Variants in PCDH9 observed in about 807,000 individuals in gnomAD.
The protein encoded by PCDH9 is protocadherin 9, also known as protocadherin-9.
A neutral mutation model predicts 70.6 loss-of-function variants in PCDH9; 24 were observed. That is an observed-to-expected ratio of 0.34 (90% confidence interval 0.25 to 0.48). PCDH9 has a LOEUF of 0.48. PCDH9 is among the 20% of genes least tolerant of loss of function. The probability of loss-of-function intolerance (pLI) is 0.99; values close to 1 mark genes in which losing one functional copy is unlikely to be tolerated. For missense variants in PCDH9, 1,281 were observed against 1,503.6 expected (o/e 0.85, Z 2.45); for synonymous variants, 562 against 558.5 (o/e 1.01, Z -0.09).
At chr13:66,630,297 A>G (rs2077553439) in intron 4 of PCDH9, among the ~76,000 whole-genome samples, 1 of 152,182 alleles carries the variant, frequency 6.6e-6, no homozygotes, top group Non-Finnish European at 1.5e-5. Context: ...CCACACATGC[A>G]TAGCTTTCCC....
intron 4 of PCDH9, among the ~76,000 whole-genome samples, chr13:66,550,752 C>G (rs962948785): frequency 2.0e-5 from 3 of 152,112 alleles, no homozygotes; most frequent in African/African-American, 7.2e-5. Context: ...CCCCCTCTTA[C>G]CTAATACAGA....
intron 2 of PCDH9, among the ~76,000 whole-genome samples, chr13:67,086,890 C>T (rs2086118150): frequency 6.6e-6 from 1 of 151,904 alleles, no homozygotes; most frequent in Non-Finnish European, 1.5e-5. Flanking sequence ...GATGCATGTT[C>T]TATGTTAAGT....
At chr13:66,381,207 C>A (rs1475267260) in intron 4 of PCDH9, among the ~76,000 whole-genome samples, 1 of 152,172 alleles carries the variant, frequency 6.6e-6, no homozygotes, top group South Asian at 2.1e-4. Context: ...CTTCAACTTT[C>A]TTTTCCACAG....
chr13:66,451,402 C>T (rs954946770), intron 4 of PCDH9, among the ~76,000 whole-genome samples: 1 of 152,020 alleles, frequency 6.6e-6, no homozygotes, highest in African/African-American at 2.4e-5. Context: ...CAACAAATTT[C>T]CAAGGTAGCT....
chr13:66,652,891 G>A (rs2077873058), intron 3 of PCDH9, among the ~76,000 whole-genome samples: 1 of 152,082 alleles, frequency 6.6e-6, no homozygotes, highest in Non-Finnish European at 1.5e-5. Flanking sequence ...CATACATTGA[G>A]GGAAAGGATA....
intron 3 of PCDH9, among the ~76,000 whole-genome samples, chr13:66,838,114 T>C (rs1177432345): frequency 2.0e-5 from 3 of 152,254 alleles, no homozygotes; most frequent in Non-Finnish European, 4.4e-5. Context: ...TCTAAATATG[T>C]ATTCATGTTA....
intron 3 of PCDH9, among the ~76,000 whole-genome samples, chr13:66,743,717 G>A (rs368114167): frequency 6.6e-6 from 1 of 151,968 alleles, no homozygotes; most frequent in South Asian, 2.1e-4. Context: ...ATTCTGCAAA[G>A]CATACATATT....
intron 2 of PCDH9, among the ~76,000 whole-genome samples, chr13:67,188,015 C>T (rs540516170): frequency 6.6e-6 from 1 of 152,140 alleles, no homozygotes; most frequent in South Asian, 2.1e-4. Flanking sequence ...GTACCGAACA[C>T]TAGATCTCAC....
rs141107563 is a variant in PCDH9 at position 66,962,558 on chromosome 13, C to T, written c.3037-58953G>A. Among the ~76,000 whole-genome samples, 73 of 152,292 alleles carry T rather than the reference C, an allele frequency of 4.8e-4. 1 individual carries two copies. The highest frequency in any genetic ancestry group is 1.6e-3 in the African/African-American group (67 of 41,558). On this transcript the variant is annotated intron_variant, in intron 2 of 4. Coordinates refer to ENST00000377865, the MANE Select transcript of PCDH9 (RefSeq NM_203487.3). The stretch of plus-strand genomic sequence containing the variant: ...GGTATAGGCTATTGCTTCTAGCCTA[C>T]AAAACCTAGTGTTACTGTAGTAAAT...
At chr13:66,499,202 A>G (rs1396542285) in intron 4 of PCDH9, among the ~76,000 whole-genome samples, 3 of 152,142 alleles carry the variant, frequency 2.0e-5, no homozygotes, top group Non-Finnish European at 1.5e-5. Flanking sequence ...AAATTAAAAG[A>G]AAGATGATAT....
At chr13:66,585,503 T>G (rs975048610) in intron 4 of PCDH9, among the ~76,000 whole-genome samples, 6 of 152,284 alleles carry the variant, frequency 3.9e-5, no homozygotes, top group Middle Eastern at 3.4e-3. Flanking sequence ...TCAATCTATT[T>G]TTTTAAAGTA....
chr13:66,566,263 T>TA (rs2076651146), intron 4 of PCDH9, among the ~76,000 whole-genome samples: 1 of 152,200 alleles, frequency 6.6e-6, no homozygotes, highest in Non-Finnish European at 1.5e-5. Flanking sequence ...AGAACTAATG[T>TA]GTTTCACTTT....
chr13:66,538,412 C>T (rs954170646), intron 4 of PCDH9, among the ~76,000 whole-genome samples: 1 of 152,088 alleles, frequency 6.6e-6, no homozygotes, highest in Admixed American at 6.6e-5. Flanking sequence ...TTACATTTCC[C>T]GATTCTTCAA....
At position 66,838,298 on chromosome 13, in the gene PCDH9, C is replaced by G. The variant is rs564696944; in HGVS notation, c.3138+65206G>C. On this transcript the variant is annotated intron_variant, in intron 3 of 4. Transcript: ENST00000377865. ...GACCAGCAAAATCAACTGAGTAGTA[C>G]CATGCACATTACACTTAATATTTGC... 5.9e-5 allele frequency among the ~76,000 whole-genome samples: 9 copies of G among 151,974 alleles called. No homozygotes were observed. The South Asian group carries it at 1.0e-3, about 18-fold the overall frequency.
At chr13:66,631,895 G>A (rs1298074925) in intron 3 of PCDH9, among the ~76,000 whole-genome samples, 1 of 151,962 alleles carries the variant, frequency 6.6e-6, no homozygotes, top group Non-Finnish European at 1.5e-5. Flanking sequence ...CTTTTTGTTT[G>A]TTTGTTTGTT....
intron 2 of PCDH9, among the ~76,000 whole-genome samples, chr13:67,179,028 G>A (rs1195874826): frequency 1.3e-5 from 2 of 152,068 alleles, no homozygotes; most frequent in African/African-American, 4.8e-5. Flanking sequence ...ATAAACTTGT[G>A]CATTTATGCT....
chr13:66,829,747 T>G (rs1171734685), intron 3 of PCDH9, among the ~76,000 whole-genome samples: 1 of 37,638 alleles, frequency 2.7e-5, no homozygotes, highest in African/African-American at 7.9e-5. Context: ...AAAAAAAAAA[T>G]TTCATTTAGA....
chr13:66,858,808 T>G (rs893294309), intron 3 of PCDH9, among the ~76,000 whole-genome samples: 1 of 152,142 alleles, frequency 6.6e-6, no homozygotes, highest in East Asian at 1.9e-4. Flanking sequence ...GACTCCTTGA[T>G]TAGGTAACAA....
In PCDH9 at chr13:66,706,098, A is replaced by G. The variant is rs1346471436; in HGVS notation, c.3139-74687T>C. 2.6e-5 allele frequency among the ~76,000 whole-genome samples: 4 copies of G among 152,226 alleles called. No homozygotes were observed. In the East Asian group the frequency reaches 5.8e-4, roughly 22 times the overall value. ...GCAGTCGTTAATTATAACTGAGCCA[A>G]TGCATGAAGATTAGAGTATGTATTT... On this transcript the variant is annotated intron_variant, in intron 3 of 4. Transcript: ENST00000377865.
Sources: gnomAD v4.1 joint callset for allele counts (sites outside exome capture counted in the v4.1 genomes callset) on GRCh38, gnomAD v4.1.1 for gene constraint, MANE v1.5 for transcripts, NCBI Gene and HGNC (gene_info 2026-07-23, HGNC 2026-07-21) for gene names.